PLCH2: variants seen among roughly 807,000 people sequenced by gnomAD.
The protein encoded by PLCH2 is phospholipase C eta 2.
In PLCH2, 98 loss-of-function variants were observed where a neutral mutation model predicts 134.7. The ratio of observed to expected loss-of-function variants is 0.73; its 90% confidence interval spans 0.62 to 0.86. The LOEUF (loss-of-function observed/expected upper bound fraction) is 0.86, where lower values mean the gene tolerates loss of function less well. Among genes scored for constraint, PLCH2 ranks in the 40% least tolerant of loss-of-function variants. The probability of loss-of-function intolerance (pLI) is 0.00; values close to 1 mark genes in which losing one functional copy is unlikely to be tolerated. For synonymous variants in PLCH2, 974 were observed against 827.5 expected, an observed-to-expected ratio of 1.18 and a Z score of -3.04; for missense variants, 1,994 against 1,986.6, an observed-to-expected ratio of 1.00 and a Z score of -0.07.
At chr1:2,426,490 G>A (rs556825430) in intron 1 of PLCH2, among the ~76,000 whole-genome samples, 3 of 152,226 alleles carry the variant, frequency 2.0e-5, no homozygotes, top group Non-Finnish European at 2.9e-5. Context: ...GGTCCTGGGG[G>A]CCTTTCCCTC....
At chr1:2,495,768 G>A (rs1468751477) in intron 13 of PLCH2, among the ~76,000 whole-genome samples, 198 bp downstream of exon 13, 1 of 152,180 alleles carries the variant, frequency 6.6e-6, no homozygotes, top group African/African-American at 2.4e-5. Context: ...GGGGGCAGGG[G>A]CGGCTGAGCA....
the PLCH2 span, among the ~76,000 whole-genome samples, chr1:2,419,949 A>G: frequency 6.6e-6 from 1 of 151,650 alleles, no homozygotes; most frequent in African/African-American, 2.4e-5. Flanking sequence ...AAGTTCAAGC[A>G]TAGCAGGCCA....
Position 2,496,630 on chromosome 1 carries a change from T to C in PLCH2, c.1859T>C (p.Met620Thr), listed in dbSNP as rs977476641. 4 of 1,611,994 alleles carry C rather than the reference T, an allele frequency of 2.5e-6. No homozygotes were observed. The highest frequency in any genetic ancestry group is 1.7e-4 in the Middle Eastern group (1 of 6,022). Residue 620 changes from methionine (M) to threonine (T), a missense_variant, in exon 14 of 22, where the codon ATG becomes ACG. Met to Thr is a moderately conservative substitution (Grantham distance 81, BLOSUM62 -1). This residue lies in a region of PLCH2 where 1,094 missense variants were observed against 1,234.3 expected (regional missense o/e 0.89). Transcript: ENST00000378486. ...AGGGCGACCCGGCAGAAGAAGACCA[T>C]GAAGCTGTCCCGGGCCCTCTCTGAC... ...SRGATRQKKT[M>T]KLSRALSDLV...
intron 6 of PLCH2, 44 bp downstream of exon 6, chr1:2,487,044 G>A (rs1226169504): frequency 6.5e-7 from 1 of 1,535,104 alleles, no homozygotes; most frequent in Non-Finnish European, 8.8e-7. Flanking sequence ...TGGGATGCTG[G>A]AGGGGCAACG....
chr1:2,459,520 C>A (rs111615914), intron 2 of PLCH2, among the ~76,000 whole-genome samples: 1 of 36,222 alleles, frequency 2.8e-5, no homozygotes, highest in African/African-American at 1.2e-4. Flanking sequence ...GGTCCTCCTT[C>A]CTGGTGGTCC....
chr1:2,464,895 C>A (rs1025321860), upstream of PLCH2, among the ~76,000 whole-genome samples: 1 of 152,220 alleles, frequency 6.6e-6, no homozygotes, highest in Non-Finnish European at 1.5e-5. Context: ...AGTCAACTCA[C>A]ACAGACTGAA....
chr1:2,424,615 C>G (rs1360247101), upstream of PLCH2, among the ~76,000 whole-genome samples: 1 of 152,184 alleles, frequency 6.6e-6, no homozygotes, highest in Non-Finnish European at 1.5e-5. Flanking sequence ...CTTTGGGAGG[C>G]TGGGGCAGGC....
Position 2,498,981 on chromosome 1 carries a change from C to A in PLCH2, c.2435-103C>A. ...TAGGTGGGCAGTCCCGGAAGCAGCA[C>A]CGGGAGTGGCACTGGGAGTGGTGTG... On this transcript the variant is annotated intron_variant, in intron 18 of 21. Coordinates refer to ENST00000378486, the MANE Select transcript of PLCH2 (RefSeq NM_014638.4). This position sits in a 1 kb window ranked among gnomAD's most constrained non-coding sequence, Gnocchi z 5.4. 1 of 1,447,918 alleles carries A rather than the reference C, an allele frequency of 6.9e-7. No individual in the cohort carries two copies. The highest frequency in any genetic ancestry group is 9.4e-7 in the Non-Finnish European group (1 of 1,061,892). 89.7% of individuals were successfully genotyped at this position (1,447,918 alleles called of 1,614,324 possible).
intron 6 of PLCH2, 60 bp from the exon 7 acceptor site, chr1:2,487,113 T>G: frequency 6.6e-7 from 1 of 1,509,048 alleles, no homozygotes; most frequent in Non-Finnish European, 9.0e-7. Flanking sequence ...TGGGGGCAGG[T>G]GGTCATGAGA....
At chr1:2,445,144 C>T (rs1570277298) in intron 2 of PLCH2, among the ~76,000 whole-genome samples, 1 of 152,252 alleles carries the variant, frequency 6.6e-6, no homozygotes, top group South Asian at 2.1e-4. Context: ...ACATTCTCCG[C>T]ACTGCCCTAG....
At chr1:2,428,800 G>A (rs1396513895) in intron 1 of PLCH2, among the ~76,000 whole-genome samples, 1 of 152,238 alleles carries the variant, frequency 6.6e-6, no homozygotes. Flanking sequence ...CCGCCTCGGG[G>A]AACCCGGGCT....
chr1:2,491,731 TCA>T (rs978659908), intron 11 of PLCH2, among the ~76,000 whole-genome samples: 1 of 152,192 alleles, frequency 6.6e-6, no homozygotes, highest in Non-Finnish European at 1.5e-5. Context: ...GGTCCTGCGG[TCA>T]CAGAGCCTCC....
intron 1 of PLCH2, among the ~76,000 whole-genome samples, chr1:2,430,104 G>A (rs1414736080): frequency 1.3e-5 from 2 of 152,244 alleles, no homozygotes; most frequent in East Asian, 3.9e-4. Flanking sequence ...TCAGGGCAGG[G>A]TCCTGTGGCT....
chr1:2,503,959 A>G lies in PLCH2; in HGVS notation c.2997A>G (p.Pro999=), dbSNP rs574698095. Residue 999 remains proline (P), a synonymous_variant, in exon 22 of 22, where the codon CCA becomes CCG. Coordinates refer to ENST00000378486, the MANE Select transcript of PLCH2 (RefSeq NM_014638.4). The part of the protein sequence containing the change: ...RPLSTQRPLP[P]LCSLETIAEE... Reference sequence around the variant, plus strand: ...TCTCCACGCAGCGGCCACTCCCCCCACTGTGCAGCCTGGAAACCATCGCTG... The same window carrying G: ...TCTCCACGCAGCGGCCACTCCCCCCGCTGTGCAGCCTGGAAACCATCGCTG... 7.9e-6 allele frequency: 7 copies of G among 890,910 alleles called. No homozygotes were observed. Among genetic ancestry groups the G allele is most frequent in the Non-Finnish European group, 9.5e-6 (7 of 736,018 alleles). 55.2% of individuals were successfully genotyped at this position (890,910 alleles called of 1,614,324 possible). A position where few individuals can be genotyped will look rare whatever the true frequency, so the allele number is the denominator to read the frequency against.
In PLCH2 at chr1:2,487,298, G is replaced by A. The variant is rs146687920; in HGVS notation, c.1036G>A (p.Val346Met). ...CACCTCGTCCCACAACACCTACCTC[G>A]TGGGTGACCAGCTCATGTCCCAGTC... Reference protein sequence around the residue: ...FITSSHNTYLVGDQLMSQSRV... With the variant: ...FITSSHNTYLMGDQLMSQSRV... The change falls in exon 7 of 22, where the codon GTG (valine) becomes ATG (methionine). Residue 346 changes from valine (V) to methionine (M), a missense_variant. Coordinates refer to ENST00000378486, the MANE Select transcript of PLCH2 (RefSeq NM_014638.4). 189 of 1,613,938 alleles carry A rather than the reference G, an allele frequency of 1.2e-4. 1 individual carries two copies. Among genetic ancestry groups the A allele is most frequent in the Non-Finnish European group, 1.5e-4 (175 of 1,179,990 alleles).
chr1:2,416,757 T>C, the PLCH2 span, among the ~76,000 whole-genome samples: 2 of 152,216 alleles, frequency 1.3e-5, no homozygotes, highest in African/African-American at 4.8e-5. Flanking sequence ...AGGACAGGGG[T>C]GCAGAGTGCA....
In PLCH2 at chr1:2,486,245, C is replaced by T. The variant is rs201826834; in HGVS notation, c.817-662C>T. On this transcript the variant is annotated intron_variant, in intron 5 of 21. Coordinates refer to ENST00000378486, the MANE Select transcript of PLCH2 (RefSeq NM_014638.4). ...CTCTGTGCACTCAGGAGCCAGAGTC[C>T]TCCAGCCGGCAACTGGTGCCCTTTG... Among the ~76,000 whole-genome samples, 369 of 152,296 alleles carry T rather than the reference C, an allele frequency of 2.4e-3. 2 individuals are homozygous for T. The highest frequency in any genetic ancestry group is 8.5e-3 in the African/African-American group (353 of 41,554).
intron 2 of PLCH2, among the ~76,000 whole-genome samples, chr1:2,450,163 C>T (rs750196507): frequency 1.3e-5 from 2 of 152,200 alleles, no homozygotes; most frequent in African/African-American, 2.4e-5. Context: ...CGTTGCTGTC[C>T]CCTTCTTGGC....
chr1:2,416,419 C>T, the PLCH2 span, among the ~76,000 whole-genome samples: 2 of 152,230 alleles, frequency 1.3e-5, no homozygotes, highest in African/African-American at 2.4e-5. Flanking sequence ...GTGCGGCCCT[C>T]GGGAAGCCCC....
Sources: gnomAD v4.1 joint callset for allele counts (sites outside exome capture counted in the v4.1 genomes callset) on GRCh38, gnomAD v4.1.1 for gene constraint, gnomAD v4.1.1 regional missense constraint, Gnocchi (gnomAD v3.1) non-coding constraint, MANE v1.5 for transcripts, NCBI Gene and HGNC (gene_info 2026-07-23, HGNC 2026-07-21) for gene names.